Variants in ATR observed in about 807,000 individuals in gnomAD.
ATR encodes the protein ATR checkpoint kinase.
Under a neutral mutation model 305.3 loss-of-function variants are expected in ATR, and 142 were observed. The observed-to-expected ratio is 0.47, with a 90% CI of 0.41 to 0.53. The LOEUF is 0.53. ATR is among the 20% of genes least tolerant of loss of function. ATR has a pLI of 0.00. For synonymous variants in ATR, 1,050 were observed against 1,068.1 expected (o/e 0.98, Z 0.33); for missense variants, 2,135 against 3,133.1 (o/e 0.68, Z 7.60).
chr3:142,456,240 C>T (rs2070903277), intron 45 of ATR, among the ~76,000 whole-genome samples: 2 of 151,508 alleles, frequency 1.3e-5, no homozygotes, highest in African/African-American at 4.8e-5. Context: ...CCAGCCTGGG[C>T]GACTCTGTCT....
rs756790263 is a variant in ATR at position 142,559,261 on chromosome 3, A to C, written c.1722T>G (p.Ile574Met). 3 of 1,613,440 alleles carry C rather than the reference A, an allele frequency of 1.9e-6. No individual in the cohort carries two copies. Among genetic ancestry groups the C allele is most frequent in the Non-Finnish European group, 8.5e-7 (1 of 1,179,654 alleles). Residue 574 changes from isoleucine to methionine, a missense_variant, in exon 7 of 47, where the codon ATT becomes ATG. This residue lies in a region of ATR where 744 missense variants were observed against 873.2 expected (regional missense o/e 0.85). Transcript: ENST00000350721. ...DKVVKIYDALIYMQVNSSFED... is the reference protein window; with the variant it reads ...DKVVKIYDALMYMQVNSSFED... ...CTAATTTGTACTCACCTTGCATATA[A>C]ATCAAAGCATCATAAATTTTCACCA...
At position 142,556,013 on chromosome 3, in the gene ATR, G is replaced by A. The variant is rs148955716; in HGVS notation, c.2205C>T (p.His735=). 183 of 1,614,044 alleles carry A rather than the reference G, an allele frequency of 1.1e-4. No individual in the cohort carries two copies. In the African/African-American group the frequency reaches 1.2e-3, roughly 11 times the overall value. ...TSSLTEPFSE[H]GHVDLFCRNL... ...TCCTACAGAAGAGGTCCACATGTCC[G>A]TGTTCAGAGAAAGGTTCTGTTAAAG... Residue 735 remains histidine, a synonymous_variant, in exon 10 of 47, where the codon CAC becomes CAT. Coordinates refer to ENST00000350721, the MANE Select transcript of ATR (RefSeq NM_001184.4).
At position 142,541,046 on chromosome 3, in the gene ATR, A is replaced by C. The variant is rs373481346; in HGVS notation, c.3451-12T>G. ...AAACTGTTCAAGGCCTATAGAGTTA[A>C]GTAGTGCTTCAGAGTAAAGCTTATA... On this transcript the variant is annotated splice_polypyrimidine_tract_variant and intron_variant, in intron 17 of 46. Coordinates refer to ENST00000350721, the MANE Select transcript of ATR (RefSeq NM_001184.4). 43 of 1,613,274 alleles carry C rather than the reference A, an allele frequency of 2.7e-5. No homozygotes were observed. The African/African-American group carries it at 5.1e-4, about 19-fold the overall frequency.
intron 36 of ATR, 143 bp downstream of exon 36, chr3:142,484,997 A>C: frequency 7.9e-7 from 1 of 1,258,190 alleles, no homozygotes; most frequent in South Asian, 1.4e-5. Flanking sequence ...TAAAGGAAAA[A>C]TTTACATCTT....
chr3:142,535,237 T>C (rs757738678), intron 20 of ATR, 32 bp from the exon 21 acceptor site: 3 of 1,611,572 alleles, frequency 1.9e-6, no homozygotes, highest in Non-Finnish European at 2.5e-6. Context: ...ACAGAACTTA[T>C]TAATCAACTA....
In ATR at chr3:142,498,650, T is replaced by A. The variant is rs1383498456; in HGVS notation, c.5505A>T (p.Ser1835=). The A allele has an allele frequency of 2.5e-6, 4 of 1,613,978 alleles. No homozygotes were observed. In the African/African-American group the frequency reaches 5.3e-5, roughly 22 times the overall value. The part of the protein sequence containing the change: ...LVRAEQIVPL[S]AASFERGSYQ... ...AGGAGCCTCTTTCAAAGCTTGCAGC[T>A]GAAAGAGGTACAATTTGTTCTGCTC... The change falls in exon 32 of 47, where the codon TCA becomes TCT. Residue 1835 remains serine (S), a synonymous_variant. Transcript: ENST00000350721.
At chr3:142,450,743 C>A (rs1577485115) in intron 46 of ATR, 1 of 1,537,066 alleles carries the variant, frequency 6.5e-7, no homozygotes. Flanking sequence ...AAGGTGCTGG[C>A]AGGTCTTCAG....
chr3:142,512,205 T>C (rs1577603154), intron 27 of ATR, 55 bp downstream of exon 27: 7 of 1,392,154 alleles, frequency 5.0e-6, no homozygotes, highest in Non-Finnish European at 7.0e-6. Context: ...AGGGAAGAGC[T>C]AATTGGTGAA....
chr3:142,457,537 CAT>C (rs2070932702), intron 45 of ATR, 65 bp downstream of exon 45: 1 of 1,591,352 alleles, frequency 6.3e-7, no homozygotes, highest in South Asian at 1.1e-5. Flanking sequence ...TAAAAACAAA[CAT>C]ATGTAGGGGC....
At chr3:142,531,795 G>T (rs1469940047) in intron 21 of ATR, among the ~76,000 whole-genome samples, 3 of 152,144 alleles carry the variant, frequency 2.0e-5, no homozygotes, top group African/African-American at 7.2e-5. Context: ...TGGGTCAAAT[G>T]GTATTTCTAG....
intron 20 of ATR, among the ~76,000 whole-genome samples, chr3:142,535,867 A>G (rs2033837480): frequency 6.6e-6 from 1 of 152,174 alleles, no homozygotes; most frequent in African/African-American, 2.4e-5. Flanking sequence ...TAAAGGCATA[A>G]GAATTGTATT....
At chr3:142,509,964 A>C (rs915650789) in intron 27 of ATR, among the ~76,000 whole-genome samples, 1 of 151,888 alleles carries the variant, frequency 6.6e-6, no homozygotes, top group African/African-American at 2.4e-5. Flanking sequence ...AAAATACAAA[A>C]AATTAGTCGG....
At chr3:142,522,252 T>C (rs926020177) in intron 23 of ATR, among the ~76,000 whole-genome samples, 7 of 152,220 alleles carry the variant, frequency 4.6e-5, no homozygotes, top group African/African-American at 9.6e-5. Flanking sequence ...ATTGCACACC[T>C]GACAGACTAT....
At position 142,542,728 on chromosome 3, in the gene ATR, G is replaced by A. The variant is rs753705711; in HGVS notation, c.3387C>T (p.Gly1129=). 3.7e-6 allele frequency: 6 copies of A among 1,612,816 alleles called. No individual in the cohort carries two copies. In the African/African-American group the frequency reaches 8.0e-5, roughly 22 times the overall value. The change falls in exon 17 of 47, where the codon GGC becomes GGT. Residue 1129 remains glycine (G), a synonymous_variant. Transcript: ENST00000350721. ...ACTGCATGTTAAAAAAAGCCAAAATGCCCAACAATTTGGGTTGTAAATAAT... is the reference window on the plus strand; with the variant it reads ...ACTGCATGTTAAAAAAAGCCAAAATACCCAACAATTTGGGTTGTAAATAAT... The part of the protein sequence containing the change: ...MADYLQPKLL[G]ILAFFNMQLL...
intron 40 of ATR, among the ~76,000 whole-genome samples, chr3:142,466,056 A>C (rs1027834077): frequency 6.6e-6 from 1 of 151,992 alleles, no homozygotes; most frequent in Non-Finnish European, 1.5e-5. Flanking sequence ...ATTGTGAAAA[A>C]ATAAAGATTA....
chr3:142,511,465 G>A (rs983108638), intron 27 of ATR, among the ~76,000 whole-genome samples: 2 of 152,048 alleles, frequency 1.3e-5, no homozygotes, highest in Admixed American at 6.6e-5. Context: ...AGACCAGCCT[G>A]GCCAACATGG....
rs1300985772 is a variant in ATR at position 142,538,488 on chromosome 3, T to C, written c.3719A>G (p.Glu1240Gly). 6.2e-7 allele frequency: 1 copy of C among 1,612,150 alleles called. No individual in the cohort carries two copies. Among genetic ancestry groups the C allele is most frequent in the East Asian group, 2.2e-5 (1 of 44,838 alleles). The change falls in exon 19 of 47, where the codon GAA becomes GGA. Residue 1240 changes from glutamate to glycine, a missense_variant. Glu to Gly is a moderately conservative substitution (Grantham distance 98, BLOSUM62 -2). Transcript: ENST00000350721. Reference sequence around the variant, plus strand: ...TTAATTTCAGTTACAATACCTGTTTTCAATTATGAGGTAGTGGAAGATAGC... The same window carrying C: ...TTAATTTCAGTTACAATACCTGTTTCCAATTATGAGGTAGTGGAAGATAGC... ...TAAIFHYLII[E>G]NRDAVQDFLH...
At chr3:142,498,427 G>C (rs567625534) in intron 32 of ATR, among the ~76,000 whole-genome samples, 170 bp downstream of exon 32, 1 of 152,272 alleles carries the variant, frequency 6.6e-6, no homozygotes, top group South Asian at 2.1e-4. Context: ...AAGGATGTAT[G>C]TTAGAATTTT....
chr3:142,572,372 C>CTTTTTTTTTTTTTTTTTT lies in ATR; in HGVS notation c.60-4236_60-4219dup, dbSNP rs11318957. ...GCGTGAGCCACCACGCCCGGCCTGACTTTTTTTTTTTTTTTTTTTTTTTTT... is the reference window on the plus strand; with the variant it reads ...GCGTGAGCCACCACGCCCGGCCTGACTTTTTTTTTTTTTTTTTTTTTTTTTTTTTTTTTTTTTTTTTTT... On this transcript the variant is annotated intron_variant, in intron 1 of 46. Transcript: ENST00000350721. 3.5e-5 allele frequency among the ~76,000 whole-genome samples: 2 copies of CTTTTTTTTTTTTTTTTTT among 56,808 alleles called. 1 individual carries two copies. The highest frequency in any genetic ancestry group is 6.5e-5 in the Non-Finnish European group (2 of 30,784). 37.3% of individuals were successfully genotyped at this position (56,808 alleles called of 152,430 possible).
Sources: allele counts gnomAD v4.1 joint callset (sites outside exome capture counted in the v4.1 genomes callset), GRCh38; gene constraint gnomAD v4.1.1; regional missense constraint gnomAD v4.1.1; transcripts MANE v1.5; gene names NCBI Gene and HGNC (gene_info 2026-07-23, HGNC 2026-07-21).